Variants in ERC2 observed in about 807,000 individuals in gnomAD.
ERC2 encodes ERC protein 2.
Under a neutral mutation model 114.8 loss-of-function variants are expected in ERC2, and 42 were observed. The observed-to-expected ratio is 0.37, with a 90% CI of 0.29 to 0.47. The LOEUF (loss-of-function observed/expected upper bound fraction) is 0.47. Among genes scored for constraint, ERC2 ranks in the 20% least tolerant of loss-of-function variants. The pLI, the probability that ERC2 is intolerant of heterozygous loss-of-function variation, is 0.99. For missense variants in ERC2, 939 were observed against 1,150.7 expected (o/e 0.82, Z 2.66); for synonymous variants, 454 against 425.5 (o/e 1.07, Z -0.82).
At chr3:55,954,889 T>C (rs76581748) in intron 12 of ERC2, among the ~76,000 whole-genome samples, 1 of 151,780 alleles carries the variant, frequency 6.6e-6, no homozygotes, top group African/African-American at 2.4e-5. Context: ...CCATTACAAC[T>C]GTAAAAGTAA....
At chr3:55,579,817 A>G (rs1409956258) in intron 17 of ERC2, among the ~76,000 whole-genome samples, 2 of 152,232 alleles carry the variant, frequency 1.3e-5, no homozygotes, top group Non-Finnish European at 2.9e-5. Flanking sequence ...TTTGCGTTGA[A>G]GAGCCACAGG....
At chr3:55,935,776 C>T (rs372056558) in intron 13 of ERC2, among the ~76,000 whole-genome samples, 158 of 152,272 alleles carry the variant, frequency 1.0e-3, no homozygotes, top group African/African-American at 3.6e-3. Flanking sequence ...CCCTTTGTTA[C>T]GCTGCCCTCC....
intron 2 of ERC2, among the ~76,000 whole-genome samples, chr3:56,406,427 G>A (rs1459183815): frequency 3.9e-5 from 6 of 152,146 alleles, no homozygotes; most frequent in African/African-American, 1.2e-4. Flanking sequence ...CAAAGGGGTC[G>A]AGGTAGAATA....
intron 15 of ERC2, among the ~76,000 whole-genome samples, chr3:55,714,661 G>GTATATATATA (rs59260283): frequency 0.018 from 1,255 of 71,706 alleles, 26 homozygotes; most frequent in Middle Eastern, 0.027. Context: ...GTGTGTGTGT[G>GTATATATATA]TGTGTGTATA....
intron 14 of ERC2, among the ~76,000 whole-genome samples, chr3:55,745,304 C>A (rs911709936): frequency 2.0e-5 from 3 of 152,300 alleles, no homozygotes; most frequent in Middle Eastern, 3.4e-3. Flanking sequence ...GACATGATGT[C>A]ACATAGTTTA....
chr3:56,175,979 G>A (rs1371114914), intron 3 of ERC2, among the ~76,000 whole-genome samples: 2 of 151,988 alleles, frequency 1.3e-5, no homozygotes, highest in African/African-American at 4.8e-5. Flanking sequence ...CACAGCATTG[G>A]GTGGATCCCA....
At chr3:55,583,889 C>CT (rs1012131079) in intron 17 of ERC2, among the ~76,000 whole-genome samples, 6 of 1,286 alleles carry the variant, frequency 4.7e-3, no homozygotes, top group South Asian at 0.17. Flanking sequence ...AACTTGCTAG[C>CT]CCCCCTCCCA....
chr3:55,580,639 G>T (rs1323883044), intron 17 of ERC2, among the ~76,000 whole-genome samples: 1 of 152,168 alleles, frequency 6.6e-6, no homozygotes, highest in Non-Finnish European at 1.5e-5. Flanking sequence ...AGTTTGGAAG[G>T]TAAGTGTCTG....
chr3:55,785,212 C>T (rs1209206577), intron 14 of ERC2, among the ~76,000 whole-genome samples: 1 of 152,160 alleles, frequency 6.6e-6, no homozygotes, highest in South Asian at 2.1e-4. Context: ...AAAAATAGGT[C>T]CAGATCAGAA....
At chr3:55,814,707 C>T (rs938423029) in intron 14 of ERC2, among the ~76,000 whole-genome samples, 8 of 152,136 alleles carry the variant, frequency 5.3e-5, no homozygotes, top group African/African-American at 1.7e-4. Context: ...CTGCATGAAA[C>T]CTGGATTAAT....
chr3:55,983,776 T>C (rs2070352286), intron 12 of ERC2, among the ~76,000 whole-genome samples: 1 of 152,174 alleles, frequency 6.6e-6, no homozygotes, highest in African/African-American at 2.4e-5. Flanking sequence ...TGTATACACA[T>C]ACACACATAT....
chr3:56,158,934 T>C (rs1415335222), intron 4 of ERC2, among the ~76,000 whole-genome samples: 1 of 152,158 alleles, frequency 6.6e-6, no homozygotes, highest in African/African-American at 2.4e-5. Context: ...TCATGTTCAA[T>C]TGTAATCCCC....
intron 6 of ERC2, among the ~76,000 whole-genome samples, chr3:56,127,208 G>T (rs919731305): frequency 6.6e-6 from 1 of 152,074 alleles, no homozygotes; most frequent in East Asian, 1.9e-4. Context: ...CCATGTTCAC[G>T]GATTGGAAGA....
At chr3:55,947,132 G>T (rs2067173035) in intron 13 of ERC2, among the ~76,000 whole-genome samples, 1 of 152,056 alleles carries the variant, frequency 6.6e-6, no homozygotes. Flanking sequence ...CCATTTTATG[G>T]ACTGTCTTGG....
intron 2 of ERC2, among the ~76,000 whole-genome samples, chr3:56,325,277 T>C (rs1236922674): frequency 2.6e-5 from 4 of 151,962 alleles, no homozygotes; most frequent in Admixed American, 6.6e-5. Flanking sequence ...ACCCCATCTC[T>C]ACTAAAAATA....
At chr3:55,680,508 G>A (rs971922755) in intron 17 of ERC2, among the ~76,000 whole-genome samples, 5 of 152,218 alleles carry the variant, frequency 3.3e-5, no homozygotes, top group African/African-American at 1.2e-4. Context: ...CCTACATTAA[G>A]TGGATTTTCC....
chr3:55,950,365 C>T (rs2067414157), intron 13 of ERC2, 60 bp downstream of exon 13: 1 of 1,593,516 alleles, frequency 6.3e-7, no homozygotes, highest in Admixed American at 1.7e-5. Flanking sequence ...CCAATGGTGA[C>T]ATTTCTGAGA....
At chr3:56,229,862 CTTTTTTTTTTTT>C (rs34357962) in intron 3 of ERC2, among the ~76,000 whole-genome samples, 1 of 56,628 alleles carries the variant, frequency 1.8e-5, no homozygotes, top group African/African-American at 6.9e-5. Context: ...AATATCTAGT[CTTTTTTTTTTTT>C]TTTTTTTTTT....
At chr3:56,189,610 G>A (rs986957980) in intron 3 of ERC2, among the ~76,000 whole-genome samples, 9 of 152,326 alleles carry the variant, frequency 5.9e-5, no homozygotes, top group African/African-American at 2.2e-4. Context: ...GTATCAAGGG[G>A]CTCACAGTGA....
Sources: gnomAD v4.1 joint callset for allele counts (sites outside exome capture counted in the v4.1 genomes callset) on GRCh38, gnomAD v4.1.1 for gene constraint, MANE v1.5 for transcripts, NCBI Gene and HGNC (gene_info 2026-07-23, HGNC 2026-07-21) for gene names.